PBX1: variants seen among roughly 807,000 people sequenced by gnomAD.
PBX1 encodes the protein pre-B-cell leukemia transcription factor 1.
In PBX1, 6 loss-of-function variants were observed where a neutral mutation model predicts 53.4. The observed-to-expected ratio is 0.11, with a 90% CI of 0.06 to 0.22. PBX1 has a LOEUF of 0.22. Among genes scored for constraint, PBX1 ranks in the 10% least tolerant of loss-of-function variants. The pLI, the probability that PBX1 is intolerant of heterozygous loss-of-function variation, is 1.00. For synonymous variants in PBX1, 204 were observed against 212.3 expected (o/e 0.96, Z 0.34); for missense variants, 251 against 551.4 (o/e 0.46, Z 5.46).
rs377002099 is a variant in PBX1, at chr1:164,602,319, C to A, written c.265+39008C>A. Among the ~76,000 whole-genome samples the A allele has an allele frequency of 3.4e-4, 52 of 152,298 alleles. 1 individual carries two copies. In the South Asian group the frequency reaches 0.01, roughly 30 times the overall value. On this transcript the variant is annotated intron_variant, in intron 2 of 8. Transcript: ENST00000420696. ...CTCCAAGCCATCTCCCCTCACACCC[C>A]GCTCGGTTTCAGTTTCTGCAGCTTG...
At chr1:164,711,416 A>G (rs1026203872) in intron 2 of PBX1, among the ~76,000 whole-genome samples, 1 of 152,148 alleles carries the variant, frequency 6.6e-6, no homozygotes, top group South Asian at 2.1e-4. Context: ...GGCGCCCGCC[A>G]CCATGCCCGG....
intron 2 of PBX1, among the ~76,000 whole-genome samples, chr1:164,666,356 A>G (rs1415261501): frequency 6.6e-6 from 1 of 152,176 alleles, no homozygotes; most frequent in African/African-American, 2.4e-5. Flanking sequence ...CATTATTATT[A>G]TTATTCTTAT....
chr1:164,865,235 T>G (rs997795031), intron 2 of PBX1, among the ~76,000 whole-genome samples: 3 of 152,202 alleles, frequency 2.0e-5, no homozygotes, highest in African/African-American at 7.2e-5. Flanking sequence ...TCATAGCCAG[T>G]TCTCATTAAA....
chr1:164,563,558 G>A (rs1259534924), intron 2 of PBX1, among the ~76,000 whole-genome samples: 5 of 152,122 alleles, frequency 3.3e-5, no homozygotes, highest in Admixed American at 2.0e-4. Context: ...TTTGAGATTG[G>A]GGCTAAAATA....
intron 2 of PBX1, among the ~76,000 whole-genome samples, chr1:164,688,563 C>T (rs11808773): frequency 0.2 from 30,490 of 152,022 alleles, 3,327 homozygotes; most frequent in East Asian, 0.33. Context: ...ACATTTCTAG[C>T]GAGCCATGAG....
At chr1:164,665,520 C>T (rs1461238267) in intron 2 of PBX1, among the ~76,000 whole-genome samples, 3 of 152,274 alleles carry the variant, frequency 2.0e-5, no homozygotes, top group South Asian at 4.2e-4. Flanking sequence ...CTCCTGACCT[C>T]GAGTGATCCA....
intron 2 of PBX1, among the ~76,000 whole-genome samples, chr1:164,711,749 G>GTATA (rs1361532190): frequency 6.6e-5 from 10 of 152,220 alleles, no homozygotes; most frequent in African/African-American, 2.4e-4. Flanking sequence ...CTTGCCTGAT[G>GTATA]TATATGTGTA....
intron 2 of PBX1, among the ~76,000 whole-genome samples, chr1:164,731,018 AG>A (rs1391763179): frequency 6.6e-6 from 1 of 152,204 alleles, no homozygotes; most frequent in Admixed American, 6.5e-5. Flanking sequence ...GAATAAGGTC[AG>A]AAAAATGGAG....
chr1:164,789,130 C>T (rs898342469), intron 2 of PBX1, among the ~76,000 whole-genome samples: 1 of 152,122 alleles, frequency 6.6e-6, no homozygotes, highest in Non-Finnish European at 1.5e-5. Context: ...ACTTCCATGG[C>T]GGGTAGGGGC....
chr1:164,699,059 A>G (rs1662951561), intron 2 of PBX1, among the ~76,000 whole-genome samples: 1 of 152,180 alleles, frequency 6.6e-6, no homozygotes, highest in South Asian at 2.1e-4. Context: ...AAGAATTTAA[A>G]AAGACCAGCA....
intron 8 of PBX1, among the ~76,000 whole-genome samples, chr1:164,845,873 A>C (rs1208472369): frequency 6.6e-6 from 1 of 152,140 alleles, no homozygotes; most frequent in African/African-American, 2.4e-5. Flanking sequence ...TGTACTTTTC[A>C]AAACTCACCT....
chr1:164,699,073 T>C (rs1337963337), intron 2 of PBX1, among the ~76,000 whole-genome samples: 1 of 152,112 alleles, frequency 6.6e-6, no homozygotes, highest in Non-Finnish European at 1.5e-5. Context: ...ACCAGCAGAC[T>C]GAGTCTATAC....
At chr1:164,842,028 G>T (rs1437608573) in intron 8 of PBX1, among the ~76,000 whole-genome samples, 15 of 152,184 alleles carry the variant, frequency 9.9e-5, no homozygotes, top group Non-Finnish European at 1.5e-4. Flanking sequence ...TGTCACATCA[G>T]GTGATGAATT....
At chr1:164,801,402 A>G (rs1366176012) in intron 4 of PBX1, among the ~76,000 whole-genome samples, 1 of 150,362 alleles carries the variant, frequency 6.7e-6, no homozygotes. Context: ...CTCCATGGTA[A>G]CTCCCCTAGT....
intron 2 of PBX1, among the ~76,000 whole-genome samples, chr1:164,773,239 A>G (rs1345928424): frequency 7.8e-6 from 1 of 128,392 alleles, no homozygotes; most frequent in Non-Finnish European, 1.6e-5. Flanking sequence ...TATAGGTAAC[A>G]CGCGCACACA....
At chr1:164,641,820 A>G (rs1255911154) in intron 2 of PBX1, 1 of 152,242 alleles carries the variant, frequency 6.6e-6, no homozygotes, top group Admixed American at 6.5e-5. Context: ...CATGACAGAT[A>G]TCACAAATTG....
chr1:164,863,503 T>G (rs1672144799), intron 2 of PBX1, among the ~76,000 whole-genome samples: 1 of 152,170 alleles, frequency 6.6e-6, no homozygotes, highest in Non-Finnish European at 1.5e-5. Flanking sequence ...GTATCTAATA[T>G]CAATCCAATA....
At chr1:164,690,032 T>TGCAA (rs1662369800) in intron 2 of PBX1, among the ~76,000 whole-genome samples, 1 of 152,228 alleles carries the variant, frequency 6.6e-6, no homozygotes, top group African/African-American at 2.4e-5. Context: ...TGTATTCAGT[T>TGCAA]GCATGCTGCT....
intron 2 of PBX1, among the ~76,000 whole-genome samples, chr1:164,686,215 C>T (rs1662083558): frequency 6.6e-6 from 1 of 152,174 alleles, no homozygotes; most frequent in African/African-American, 2.4e-5. Flanking sequence ...TGGTGATTAC[C>T]ACTGTACTCT....
Sources: gnomAD v4.1 joint callset for allele counts (sites outside exome capture counted in the v4.1 genomes callset) on GRCh38, gnomAD v4.1.1 for gene constraint, MANE v1.5 for transcripts, NCBI Gene and HGNC (gene_info 2026-07-23, HGNC 2026-07-21) for gene names.